The following COL23A1 variants were observed in gnomAD, a reference collection of about 807,000 sequenced individuals.
COL23A1 encodes collagen type XXIII alpha 1 chain.
COL23A1 carries 97 observed loss-of-function variants against 99.3 expected under a neutral mutation model. That is an observed-to-expected ratio of 0.98 (90% CI 0.83 to 1.16). The LOEUF (loss-of-function observed/expected upper bound fraction) is 1.16, where lower values mean the gene tolerates loss of function less well. Among genes scored for constraint, COL23A1 ranks in the 50% most tolerant of loss-of-function variants. The pLI, the probability that COL23A1 is intolerant of heterozygous loss-of-function variation, is 0.00. For missense variants in COL23A1, 762 were observed against 757.4 expected, an observed-to-expected ratio of 1.01 and a Z score of -0.07; for synonymous variants, 320 against 308.2, an observed-to-expected ratio of 1.04 and a Z score of -0.40.
Position 178,415,397 on chromosome 5 carries a change from C to A in COL23A1, c.362-108478G>T, listed in dbSNP as rs60540959. Reference sequence around the variant, plus strand: ...TCGAACGTCTAAAAACCGTCCTGCCCCCCACCCTCAGTGCACAGGCTGTGG... The same window carrying A: ...TCGAACGTCTAAAAACCGTCCTGCCACCCACCCTCAGTGCACAGGCTGTGG... On this transcript the variant is annotated intron_variant, in intron 2 of 28. Coordinates refer to ENST00000390654, the MANE Select transcript of COL23A1 (RefSeq NM_173465.4). This position sits in a 1 kb window ranked among gnomAD's most constrained non-coding sequence, Gnocchi z 4.6. 0.03 allele frequency among the ~76,000 whole-genome samples: 4,595 copies of A among 152,250 alleles called. 234 individuals are homozygous for A. Among genetic ancestry groups the A allele is most frequent in the African/African-American group, 0.1 (4,321 of 41,534 alleles).
chr5:178,305,686 TAA>T (rs1197133532), intron 3 of COL23A1, among the ~76,000 whole-genome samples: 1 of 151,496 alleles, frequency 6.6e-6, no homozygotes, highest in South Asian at 2.1e-4. Context: ...CGGGAAGACA[TAA>T]GAGTGAAGGC....
intron 2 of COL23A1, among the ~76,000 whole-genome samples, chr5:178,523,976 G>A (rs930214386): frequency 6.6e-6 from 1 of 152,154 alleles, no homozygotes; most frequent in African/African-American, 2.4e-5. Context: ...TCTCTGACAA[G>A]GACTTCAAAA....
chr5:178,349,543 C>T (rs981063241), intron 2 of COL23A1, among the ~76,000 whole-genome samples: 5 of 97,278 alleles, frequency 5.1e-5, no homozygotes, highest in Non-Finnish European at 1.0e-4. Context: ...CAGGGCCACC[C>T]CCCACGCCCC....
intron 11 of COL23A1, among the ~76,000 whole-genome samples, chr5:178,260,230 C>T (rs1038430218): frequency 6.6e-6 from 1 of 152,228 alleles, no homozygotes; most frequent in Non-Finnish European, 1.5e-5. Flanking sequence ...ATCAGCTTTA[C>T]TCAAAACTGC....
chr5:178,403,131 TA>T (rs1296208700), intron 2 of COL23A1, among the ~76,000 whole-genome samples: 968 of 74,320 alleles, frequency 0.013, 98 homozygotes, highest in African/African-American at 0.041. Flanking sequence ...AATAAATAAA[TA>T]AAAAATAAAT....
chr5:178,305,044 C>G (rs1758276532), intron 3 of COL23A1, among the ~76,000 whole-genome samples: 1 of 152,142 alleles, frequency 6.6e-6, no homozygotes, highest in Non-Finnish European at 1.5e-5. Context: ...TTCCTCATCT[C>G]CTTCCAAAAA....
chr5:178,422,714 C>T lies in COL23A1; in HGVS notation c.362-115795G>A, dbSNP rs566087150. On this transcript the variant is annotated intron_variant, in intron 2 of 28. Transcript: ENST00000390654. Reference sequence around the variant, plus strand: ...GGAATAAAATCACTCTGCATTTCCACGTAACGCCGGGGACTGTCACTGAAG... The same window carrying T: ...GGAATAAAATCACTCTGCATTTCCATGTAACGCCGGGGACTGTCACTGAAG... Among the ~76,000 whole-genome samples, 79 of 152,236 alleles carry T rather than the reference C, an allele frequency of 5.2e-4. No homozygotes were observed. In the Middle Eastern group the frequency reaches 0.017, roughly 33 times the overall value.
intron 12 of COL23A1, among the ~76,000 whole-genome samples, chr5:178,258,684 C>T (rs867530486): frequency 6.6e-6 from 1 of 151,798 alleles, no homozygotes; most frequent in Non-Finnish European, 1.5e-5. Flanking sequence ...CGTCAGCCAC[C>T]GCTCTGGGTC....
intron 1 of COL23A1, among the ~76,000 whole-genome samples, chr5:178,573,774 G>A (rs544575667): frequency 5.9e-5 from 9 of 152,112 alleles, no homozygotes; most frequent in Non-Finnish European, 1.0e-4. Context: ...TTATTGATAC[G>A]TGCAAATACA....
intron 2 of COL23A1, among the ~76,000 whole-genome samples, chr5:178,510,137 T>A (rs542145029): frequency 6.6e-6 from 1 of 152,366 alleles, no homozygotes; most frequent in Admixed American, 6.5e-5. Flanking sequence ...AATCTATTAT[T>A]TTCTGTTACC....
rs73804260 is a variant in COL23A1, at chr5:178,540,318, T to C, written c.361+20364A>G. On this transcript the variant is annotated intron_variant, in intron 2 of 28. Transcript: ENST00000390654. ...AAGTACATGTGGCAAGGTAACTAGA[T>C]ACAAGACCAACATGAAAAGTCATCA... Among the ~76,000 whole-genome samples, 1,512 of 152,286 alleles carry C rather than the reference T, an allele frequency of 9.9e-3. 14 individuals carry two copies. The highest frequency in any genetic ancestry group is 0.02 in the African/African-American group (816 of 41,556).
intron 27 of COL23A1, among the ~76,000 whole-genome samples, chr5:178,240,483 C>T (rs1163206888): frequency 6.6e-6 from 1 of 152,228 alleles, no homozygotes; most frequent in Non-Finnish European, 1.5e-5. Context: ...CCCATTGCCC[C>T]TCGCAGGGCC....
At position 178,246,384 on chromosome 5, in the gene COL23A1, GACTC is replaced by G. The variant is rs1390145571; in HGVS notation, c.1359+3_1359+6del. 2 of 1,576,604 alleles carry G rather than the reference GACTC, an allele frequency of 1.3e-6. No homozygotes were observed. Among genetic ancestry groups the G allele is most frequent in the South Asian group, 2.3e-5 (2 of 85,948 alleles). ...CCTTTGGGACAAACAACGCTTGTGAGACTCACAGGCAGGCCGCTGGGGCCTCTCT... is the reference window on the plus strand; with the variant it reads ...CCTTTGGGACAAACAACGCTTGTGAGACAGGCAGGCCGCTGGGGCCTCTCT... On this transcript the variant is annotated splice_donor_5th_base_variant and intron_variant, in intron 23 of 28. Transcript: ENST00000390654.
At chr5:178,588,244 C>T (rs1764099667) in intron 1 of COL23A1, among the ~76,000 whole-genome samples, 1 of 152,198 alleles carries the variant, frequency 6.6e-6, no homozygotes, top group Non-Finnish European at 1.5e-5. Flanking sequence ...CAACTGCAGT[C>T]TCTCCCGCTG....
In COL23A1 at chr5:178,263,285, G is replaced by T. The variant is rs550264330; in HGVS notation, c.562C>A (p.Pro188Thr). Residue 188 changes from proline (P) to threonine (T), a missense_variant, in exon 9 of 29, where the codon CCC (proline) becomes ACC (threonine). Transcript: ENST00000390654. The part of the protein sequence containing the change: ...GQDGAAGPPG[P>T]PGPPGARGPP... ...CCCCGGGCCCCAGGAGGTCCAGGGGGCCCCGGAGGCCCAGCAGCTCCATCT... is the reference window on the plus strand; with the variant it reads ...CCCCGGGCCCCAGGAGGTCCAGGGGTCCCCGGAGGCCCAGCAGCTCCATCT... 9 of 1,608,870 alleles carry T rather than the reference G, an allele frequency of 5.6e-6. No individual in the cohort carries two copies. The African/African-American group carries it at 9.4e-5, about 17-fold the overall frequency.
chr5:178,252,727 T>C (rs12652833), intron 16 of COL23A1, 130 bp from the exon 17 acceptor site: 155,573 of 713,572 alleles, frequency 0.22, 18,512 homozygotes, highest in East Asian at 0.37. Context: ...CCTTGGGGAC[T>C]GCTTCTTCCC....
chr5:178,267,302 C>T lies in COL23A1; in HGVS notation c.522+5G>A, dbSNP rs140754927. 1.1e-4 allele frequency: 171 copies of T among 1,614,066 alleles called. 1 individual carries two copies. In the East Asian group the frequency reaches 2.6e-3, roughly 24 times the overall value. ...GCAGTGAGGGAGGTCATGCCTGGTTCTTACCCGGGGGCCAAAGTCTCCTGG... is the reference window on the plus strand; with the variant it reads ...GCAGTGAGGGAGGTCATGCCTGGTTTTTACCCGGGGGCCAAAGTCTCCTGG... On this transcript the variant is annotated splice_donor_5th_base_variant and intron_variant, in intron 8 of 28. Coordinates refer to ENST00000390654, the MANE Select transcript of COL23A1 (RefSeq NM_173465.4).
At chr5:178,320,745 G>A (rs1759250921) in intron 2 of COL23A1, among the ~76,000 whole-genome samples, 1 of 152,248 alleles carries the variant, frequency 6.6e-6, no homozygotes, top group Non-Finnish European at 1.5e-5. Flanking sequence ...TTCCGCCAAA[G>A]AGTTTCAGCT....
intron 2 of COL23A1, among the ~76,000 whole-genome samples, chr5:178,360,315 T>C (rs1762107345): frequency 6.6e-6 from 1 of 152,254 alleles, no homozygotes; most frequent in Admixed American, 6.5e-5. Flanking sequence ...AAGCTTTTTT[T>C]CAAGGAAAGT....
Sources: allele counts gnomAD v4.1 joint callset (sites outside exome capture counted in the v4.1 genomes callset), GRCh38; gene constraint gnomAD v4.1.1; non-coding constraint Gnocchi (gnomAD v3.1); transcripts MANE v1.5; gene names NCBI Gene and HGNC (gene_info 2026-07-23, HGNC 2026-07-21).